The following RBFOX1 variants were observed in gnomAD, a reference collection of about 807,000 sequenced individuals.
RBFOX1 encodes the protein RNA binding fox-1 homolog 1.
A neutral mutation model predicts 57.7 loss-of-function variants in RBFOX1; 8 were observed. The ratio of observed to expected loss-of-function variants is 0.14; its 90% confidence interval spans 0.08 to 0.25. The LOEUF is 0.25. Among genes scored for constraint, RBFOX1 ranks in the 10% least tolerant of loss-of-function variants. The pLI, the probability that RBFOX1 is intolerant of heterozygous loss-of-function variation, is 1.00. For synonymous variants in RBFOX1, 326 were observed against 222.4 expected (o/e 1.47, Z -4.15); for missense variants, 611 against 548.5 (o/e 1.11, Z -1.14).
At chr16:7,657,292 C>T (rs571896461) in intron 12 of RBFOX1, among the ~76,000 whole-genome samples, 10 of 152,132 alleles carry the variant, frequency 6.6e-5, no homozygotes, top group Non-Finnish European at 1.3e-4. Flanking sequence ...GCCCTACATT[C>T]ATCCATTTCC....
intron 3 of RBFOX1, among the ~76,000 whole-genome samples, chr16:5,615,587 G>A (rs1484111962): frequency 1.3e-5 from 2 of 152,184 alleles, no homozygotes; most frequent in Admixed American, 1.3e-4. Flanking sequence ...TCCCAGCTCC[G>A]TCCTGTTCCC....
chr16:6,387,657 T>C (rs1321013221), intron 2 of RBFOX1, among the ~76,000 whole-genome samples: 1 of 152,194 alleles, frequency 6.6e-6, no homozygotes, highest in East Asian at 1.9e-4. Flanking sequence ...TACCTAATTA[T>C]ATTTTTAGCT....
intron 3 of RBFOX1, among the ~76,000 whole-genome samples, chr16:6,858,887 T>C (rs1381701289): frequency 2.6e-5 from 4 of 151,806 alleles, no homozygotes; most frequent in East Asian, 3.9e-4. Context: ...AGCTCAGCTA[T>C]AACTACAGTA....
intron 3 of RBFOX1, among the ~76,000 whole-genome samples, chr16:5,771,071 A>G (rs183367812): frequency 1.1e-4 from 16 of 152,300 alleles, no homozygotes; most frequent in Non-Finnish European, 1.8e-4. Context: ...TCCCAGATCT[A>G]CTGAGTCATA....
chr16:6,406,373 G>A (rs1274378208), intron 2 of RBFOX1, among the ~76,000 whole-genome samples: 2 of 151,994 alleles, frequency 1.3e-5, no homozygotes, highest in Non-Finnish European at 2.9e-5. Context: ...CAGAAACCTG[G>A]TATGCAATGT....
chr16:6,902,358 T>A (rs1241946819), intron 3 of RBFOX1, among the ~76,000 whole-genome samples: 1 of 152,174 alleles, frequency 6.6e-6, no homozygotes, highest in Non-Finnish European at 1.5e-5. Flanking sequence ...AATTTCAAGT[T>A]GGTGAAACAA....
chr16:5,309,671 C>A (rs1008002452), intron 1 of RBFOX1, among the ~76,000 whole-genome samples: 1 of 152,168 alleles, frequency 6.6e-6, no homozygotes, highest in African/African-American at 2.4e-5. Context: ...CCCACTCTCT[C>A]ACCCTTCTGA....
intron 3 of RBFOX1, among the ~76,000 whole-genome samples, chr16:5,775,503 C>T (rs116490660): frequency 0.033 from 4,981 of 152,266 alleles, 266 homozygotes; most frequent in African/African-American, 0.11. Flanking sequence ...TCCCTTCTAT[C>T]ACAAATGATA....
At chr16:5,413,317 C>T (rs993021525) in intron 1 of RBFOX1, among the ~76,000 whole-genome samples, 3 of 152,154 alleles carry the variant, frequency 2.0e-5, no homozygotes, top group Non-Finnish European at 4.4e-5. Flanking sequence ...TTCTTTCTTT[C>T]GTTTCCCAGA....
At chr16:6,043,302 C>T (rs1329986637) in intron 1 of RBFOX1, among the ~76,000 whole-genome samples, 1 of 152,088 alleles carries the variant, frequency 6.6e-6, no homozygotes, top group Non-Finnish European at 1.5e-5. Context: ...GTGCTAGATC[C>T]AGGGAAGTCC....
chr16:5,650,635 A>T (rs926111515), intron 3 of RBFOX1, among the ~76,000 whole-genome samples: 1 of 152,238 alleles, frequency 6.6e-6, no homozygotes, highest in South Asian at 2.1e-4. Flanking sequence ...TTAGATAAAC[A>T]CCAGAGGGGA....
At chr16:5,869,106 C>T (rs760353652) in intron 4 of RBFOX1, among the ~76,000 whole-genome samples, 17 of 152,168 alleles carry the variant, frequency 1.1e-4, no homozygotes, top group Non-Finnish European at 2.4e-4. Context: ...ATAACCATGT[C>T]TGGCAGGGTA....
chr16:7,666,526 G>T (rs1329175145), intron 13 of RBFOX1, among the ~76,000 whole-genome samples: 1 of 152,140 alleles, frequency 6.6e-6, no homozygotes, highest in Non-Finnish European at 1.5e-5. Context: ...GTCTTATGCA[G>T]ATATCAAATT....
intron 3 of RBFOX1, among the ~76,000 whole-genome samples, chr16:5,736,275 G>A (rs1258506411): frequency 6.6e-6 from 1 of 152,190 alleles, no homozygotes; most frequent in African/African-American, 2.4e-5. Flanking sequence ...GAAGTATGGG[G>A]TATAGGGCTT....
intron 3 of RBFOX1, among the ~76,000 whole-genome samples, chr16:7,043,936 A>C (rs2047023252): frequency 6.6e-6 from 1 of 152,200 alleles, no homozygotes; most frequent in Non-Finnish European, 1.5e-5. Flanking sequence ...AAACAAAAAC[A>C]AACAAAATAC....
chr16:5,872,881 G>A (rs2057511590), intron 4 of RBFOX1, among the ~76,000 whole-genome samples: 2 of 152,208 alleles, frequency 1.3e-5, no homozygotes, highest in African/African-American at 4.8e-5. Flanking sequence ...ATTAGGGTGT[G>A]GTGGCTCATG....
intron 4 of RBFOX1, among the ~76,000 whole-genome samples, chr16:5,873,146 A>T (rs914609426): frequency 1.3e-5 from 2 of 151,548 alleles, no homozygotes; most frequent in African/African-American, 2.4e-5. Flanking sequence ...GCAAGACTCC[A>T]TCTCAAAACA....
At chr16:5,917,358 T>C (rs1340616052) in intron 4 of RBFOX1, among the ~76,000 whole-genome samples, 3 of 152,242 alleles carry the variant, frequency 2.0e-5, no homozygotes, top group African/African-American at 7.2e-5. Flanking sequence ...GCACTTTATG[T>C]GCATCTTACG....
At chr16:6,679,037 A>G (rs143171504) in intron 3 of RBFOX1, among the ~76,000 whole-genome samples, 44 of 152,200 alleles carry the variant, frequency 2.9e-4, no homozygotes, top group South Asian at 1.0e-3. Context: ...GCGTGTTGCT[A>G]TTATATCTCT....
Sources: gnomAD v4.1 joint callset for allele counts (sites outside exome capture counted in the v4.1 genomes callset) on GRCh38, gnomAD v4.1.1 for gene constraint, MANE v1.5 for transcripts, NCBI Gene and HGNC (gene_info 2026-07-23, HGNC 2026-07-21) for gene names.